The following TULP4 variants were observed in gnomAD, a reference collection of about 807,000 sequenced individuals.
TULP4 encodes tubby-related protein 4.
A neutral mutation model predicts 129.0 loss-of-function variants in TULP4; 16 were observed. The observed-to-expected ratio is 0.12, with a 90% CI of 0.08 to 0.19. The LOEUF (loss-of-function observed/expected upper bound fraction) is 0.19, where lower values mean the gene tolerates loss of function less well. Among genes scored for constraint, TULP4 ranks in the 10% least tolerant of loss-of-function variants. The probability of loss-of-function intolerance (pLI) is 1.00; values close to 1 mark genes in which losing one functional copy is unlikely to be tolerated. For missense variants in TULP4, 1,842 were observed against 2,059.1 expected (o/e 0.89, Z 2.04); for synonymous variants, 998 against 854.0 (o/e 1.17, Z -2.94).
chr6:158,498,912 C>T (rs547110720), intron 12 of TULP4, 100 bp downstream of exon 12: 2 of 1,466,974 alleles, frequency 1.4e-6, no homozygotes, highest in Admixed American at 1.8e-5. Context: ...AGTCTGCTAC[C>T]TGGGTTTGGA....
At chr6:158,417,623 G>A (rs1183918795) in intron 2 of TULP4, among the ~76,000 whole-genome samples, 1 of 152,176 alleles carries the variant, frequency 6.6e-6, no homozygotes, top group Non-Finnish European at 1.5e-5. Flanking sequence ...TGGTGACGAT[G>A]GATCACTGGT....
intron 6 of TULP4, among the ~76,000 whole-genome samples, chr6:158,464,508 G>T (rs1451983584): frequency 2.6e-5 from 4 of 152,212 alleles, no homozygotes; most frequent in African/African-American, 9.6e-5. Context: ...GCAAGACGGA[G>T]GTCTTGCCCT....
chr6:158,286,403 C>G (rs148659744), intron 1 of TULP4, among the ~76,000 whole-genome samples: 38 of 152,192 alleles, frequency 2.5e-4, no homozygotes, highest in African/African-American at 6.7e-4. Context: ...TGTGTTTCTT[C>G]TGTTTTATAA....
intron 3 of TULP4, among the ~76,000 whole-genome samples, chr6:158,441,767 C>T (rs1778903854): frequency 6.6e-6 from 1 of 152,124 alleles, no homozygotes; most frequent in African/African-American, 2.4e-5. Flanking sequence ...ACACCATCTT[C>T]CCTTCCCACA....
At chr6:158,254,883 CCAA>C (rs1778216354) in intron 1 of TULP4, among the ~76,000 whole-genome samples, 1 of 152,172 alleles carries the variant, frequency 6.6e-6, no homozygotes, top group African/African-American at 2.4e-5. Context: ...ACCAGCCTGG[CCAA>C]CATGGCGAAA....
intron 5 of TULP4, among the ~76,000 whole-genome samples, chr6:158,454,606 CTCTT>C (rs1779250489): frequency 7.0e-6 from 1 of 142,896 alleles, no homozygotes; most frequent in African/African-American, 2.5e-5. Context: ...CAACAGTTCT[CTCTT>C]TTTTTTTTTT....
chr6:158,254,862 G>A (rs1012174425), intron 1 of TULP4, among the ~76,000 whole-genome samples: 3 of 152,108 alleles, frequency 2.0e-5, no homozygotes, highest in Non-Finnish European at 4.4e-5. Flanking sequence ...ACCCGAGACC[G>A]GAAGTTCCAG....
At chr6:158,358,955 G>A (rs564486862) in intron 1 of TULP4, among the ~76,000 whole-genome samples, 26 of 152,276 alleles carry the variant, frequency 1.7e-4, no homozygotes, top group Middle Eastern at 3.4e-3. Flanking sequence ...GGGCCACACC[G>A]GGCAGCATGT....
intron 1 of TULP4, among the ~76,000 whole-genome samples, chr6:158,325,094 T>C (rs2128489077): frequency 6.6e-6 from 1 of 152,266 alleles, no homozygotes; most frequent in Non-Finnish European, 1.5e-5. Flanking sequence ...TCCAAGACCA[T>C]AAGAAGACTC....
In TULP4 at chr6:158,481,106, G is replaced by T. The variant is rs771039403; in HGVS notation, c.1303G>T (p.Ala435Ser). The T allele has an allele frequency of 6.2e-7, 1 of 1,600,244 alleles. No homozygotes were observed. The highest frequency in any genetic ancestry group is 1.1e-5 in the South Asian group (1 of 90,578). Residue 435 changes from alanine (A) to serine (S), a missense_variant, in exon 8 of 14, where the codon GCC becomes TCC. Physicochemically the swap from Ala to Ser is moderately conservative, Grantham distance 99. Coordinates refer to ENST00000367097, the MANE Select transcript of TULP4 (RefSeq NM_020245.5). ...GAGAGACTTTGTCAGCTACCCATCAGCCGGCAACGAGCGGCTGCACTGCAC... is the reference window on the plus strand; with the variant it reads ...GAGAGACTTTGTCAGCTACCCATCATCCGGCAACGAGCGGCTGCACTGCAC... The part of the protein sequence containing the change: ...NMRDFVSYPS[A>S]GNERLHCTMK...
chr6:158,278,522 A>G (rs549136577), upstream of TULP4, among the ~76,000 whole-genome samples: 13 of 152,288 alleles, frequency 8.5e-5, no homozygotes, highest in Admixed American at 2.0e-4. Flanking sequence ...AATTTTCAAT[A>G]CATATACTTA....
At chr6:158,357,113 A>G (rs1241019803) in intron 1 of TULP4, among the ~76,000 whole-genome samples, 1 of 152,162 alleles carries the variant, frequency 6.6e-6, no homozygotes, top group African/African-American at 2.4e-5. Context: ...CGTCCTCCAG[A>G]TGGGGTGGGC....
chr6:158,456,528 G>A (rs1488785919), intron 5 of TULP4, among the ~76,000 whole-genome samples: 1 of 152,152 alleles, frequency 6.6e-6, no homozygotes, highest in East Asian at 1.9e-4. Context: ...AGGCCTTCCA[G>A]TTGTCTTTAA....
chr6:158,247,664 A>C (rs1353330470), intron 1 of TULP4, among the ~76,000 whole-genome samples: 1 of 152,216 alleles, frequency 6.6e-6, no homozygotes, highest in African/African-American at 2.4e-5. Context: ...TTGTGTAGGA[A>C]GCTCTTACAG....
chr6:158,234,181 C>T (rs1348645018), intron 1 of TULP4, among the ~76,000 whole-genome samples: 2 of 152,192 alleles, frequency 1.3e-5, no homozygotes, highest in Non-Finnish European at 2.9e-5. Flanking sequence ...TTCAGCCTTG[C>T]ATATGGAGCT....
intron 1 of TULP4, among the ~76,000 whole-genome samples, chr6:158,373,253 C>G (rs1777111042): frequency 6.6e-6 from 1 of 152,200 alleles, no homozygotes; most frequent in Admixed American, 6.5e-5. Flanking sequence ...CCTGCATTAA[C>G]CTGTTCAGTC....
Position 158,502,956 on chromosome 6 carries a change from G to C in TULP4, c.3293G>C (p.Cys1098Ser). Reference sequence around the variant, plus strand: ...GAGGACGAGGCCCTGTCCCAGCACTGTCAGCTTGAGAAGCCCTTGAGGCAC... The same window carrying C: ...GAGGACGAGGCCCTGTCCCAGCACTCTCAGCTTGAGAAGCCCTTGAGGCAC... ...FTEDEALSQH[C>S]QLEKPLRHPP... The change falls in exon 13 of 14, where the codon TGT becomes TCT. Residue 1098 changes from cysteine to serine, a missense_variant. Transcript: ENST00000367097. The C allele has an allele frequency of 1.9e-6, 3 of 1,613,918 alleles. No individual in the cohort carries two copies. The highest frequency in any genetic ancestry group is 2.5e-6 in the Non-Finnish European group (3 of 1,179,966).
chr6:158,384,043 T>G (rs1322274585), intron 1 of TULP4, among the ~76,000 whole-genome samples: 1 of 152,210 alleles, frequency 6.6e-6, no homozygotes, highest in African/African-American at 2.4e-5. Context: ...TATCTGTGAC[T>G]GCCCAGTCAG....
chr6:158,435,226 TG>T (rs1778725547), intron 3 of TULP4, among the ~76,000 whole-genome samples: 1 of 152,216 alleles, frequency 6.6e-6, no homozygotes, highest in African/African-American at 2.4e-5. Context: ...CCCCCTGTCC[TG>T]GGTCAAGCAA....
Sources: allele counts gnomAD v4.1 joint callset (sites outside exome capture counted in the v4.1 genomes callset), GRCh38; gene constraint gnomAD v4.1.1; transcripts MANE v1.5; gene names NCBI Gene and HGNC (gene_info 2026-07-23, HGNC 2026-07-21).